Variants in CDHR3 observed in about 807,000 individuals in gnomAD.
CDHR3 encodes the protein cadherin-related family member 3.
Under a neutral mutation model 86.6 loss-of-function variants are expected in CDHR3, and 79 were observed. That is an observed-to-expected ratio of 0.91 (90% CI 0.76 to 1.10). The LOEUF (loss-of-function observed/expected upper bound fraction) is 1.10, where lower values mean the gene tolerates loss of function less well. Among genes scored for constraint, CDHR3 ranks in the 50% least tolerant of loss-of-function variants. CDHR3 has a pLI of 0.00. For synonymous variants in CDHR3, 421 were observed against 402.4 expected (o/e 1.05, Z -0.55); for missense variants, 1,081 against 1,077.6 (o/e 1.00, Z -0.04).
Position 106,036,418 on chromosome 7 carries a change from C to G in CDHR3, c.*3721C>G, listed in dbSNP as rs972513524. 4 of 152,158 alleles carry G rather than the reference C, an allele frequency of 2.6e-5. No homozygotes were observed. The highest frequency in any genetic ancestry group is 5.9e-5 in the Non-Finnish European group (4 of 68,036). The allele number at this position is 152,158 out of a possible 1,614,324, so 9.4% of individuals were successfully genotyped here. A position where few individuals can be genotyped will look rare whatever the true frequency, so the allele number is the denominator to read the frequency against. On this transcript the variant is annotated 3_prime_UTR_variant, in exon 19 of 19. Coordinates refer to ENST00000317716, the MANE Select transcript of CDHR3 (RefSeq NM_152750.5). Reference sequence around the variant, plus strand: ...TCCTTCGTATTCATTCAATAAATATCTGTGGAGCAACTACCATGTGCCAAG... The same window carrying G: ...TCCTTCGTATTCATTCAATAAATATGTGTGGAGCAACTACCATGTGCCAAG...
At chr7:105,971,748 C>T (rs1320712345) in intron 1 of CDHR3, among the ~76,000 whole-genome samples, 2 of 152,160 alleles carry the variant, frequency 1.3e-5, no homozygotes, top group Non-Finnish European at 2.9e-5. Context: ...AGTGATCTCT[C>T]CACTCGGGGT....
intron 1 of CDHR3, among the ~76,000 whole-genome samples, chr7:105,973,961 A>G (rs1828382369): frequency 6.6e-6 from 1 of 152,184 alleles, no homozygotes; most frequent in Non-Finnish European, 1.5e-5. Flanking sequence ...TCTCAAAAAA[A>G]CAAAAACAAA....
At chr7:105,979,366 ACCT>A (rs756558037) in intron 2 of CDHR3, among the ~76,000 whole-genome samples, 5 of 151,864 alleles carry the variant, frequency 3.3e-5, no homozygotes, top group Non-Finnish European at 7.4e-5. Context: ...ACACAAGAAT[ACCT>A]CTTTTTCCCC....
chr7:106,000,308 G>A (rs148593065), intron 6 of CDHR3, among the ~76,000 whole-genome samples: 1 of 152,252 alleles, frequency 6.6e-6, no homozygotes, highest in African/African-American at 2.4e-5. Flanking sequence ...CCAGGGAGGA[G>A]CTCTGGTAGG....
rs193795 is a variant in CDHR3 at position 105,981,066 on chromosome 7, G to A, written c.348G>A (p.Leu116=). ...YVKDEVGVTD[L]QVLTVQVTDV... ...AGGATGAGGTTGGTGTCACAGACCT[G>A]CAAGTCCTGACTGTCCAGGTAACAG... The change falls in exon 3 of 19, where the codon CTG becomes CTA. Residue 116 remains leucine, a synonymous_variant. Transcript: ENST00000317716. The A allele has an allele frequency of 6.2e-7, 1 of 1,612,212 alleles. No individual in the cohort carries two copies. The highest frequency in any genetic ancestry group is 1.3e-5 in the African/African-American group (1 of 74,870).
intron 4 of CDHR3, among the ~76,000 whole-genome samples, chr7:105,990,487 A>G (rs1326731029): frequency 2.0e-5 from 3 of 152,164 alleles, no homozygotes; most frequent in African/African-American, 7.2e-5. Context: ...CAAAATATTC[A>G]GCTTCCATTG....
In CDHR3 at chr7:106,004,696, A is replaced by G. The variant is rs1259461825; in HGVS notation, c.1052+9A>G. 6.2e-7 allele frequency: 1 copy of G among 1,613,826 alleles called. No individual in the cohort carries two copies. The highest frequency in any genetic ancestry group is 8.5e-7 in the Non-Finnish European group (1 of 1,179,812). ...CAAAAGTTCACCTTCAGGTATGCAC[A>G]CTTTGAAAGTTGGGCTGGACATTCT... On this transcript the variant is annotated intron_variant, in intron 8 of 18. Transcript: ENST00000317716.
At position 105,984,209 on chromosome 7, in the gene CDHR3, G is replaced by T; in HGVS notation, c.433G>T (p.Val145Leu). 1 of 1,608,362 alleles carries T rather than the reference G, an allele frequency of 6.2e-7. No individual in the cohort carries two copies. The highest frequency in any genetic ancestry group is 8.5e-7 in the Non-Finnish European group (1 of 1,176,190). The change falls in exon 4 of 19, where the codon GTA becomes TTA. Residue 145 changes from valine (V) to leucine (L), a missense_variant. Physicochemically the swap from Val to Leu is conservative, Grantham distance 32 (BLOSUM62 1). Coordinates refer to ENST00000317716, the MANE Select transcript of CDHR3 (RefSeq NM_152750.5). ...NLAEGLHLYI[V>L]ERANPGFIYQ... The stretch of plus-strand genomic sequence containing the variant: ...TGGTCTAGGTCTACACCTCTACATA[G>T]TAGAAAGAGCAAACCCTGGATTCAT...
intron 7 of CDHR3, among the ~76,000 whole-genome samples, chr7:106,003,851 TG>T (rs1833551429): frequency 6.6e-6 from 1 of 151,924 alleles, no homozygotes; most frequent in Non-Finnish European, 1.5e-5. Context: ...GGGACAACCA[TG>T]GTTGAGAATT....
chr7:105,980,366 T>G (rs1829454142), intron 2 of CDHR3, among the ~76,000 whole-genome samples: 1 of 152,202 alleles, frequency 6.6e-6, no homozygotes, highest in Admixed American at 6.5e-5. Context: ...CTTAGACCCT[T>G]GAACATCAGC....
intron 3 of CDHR3, among the ~76,000 whole-genome samples, chr7:105,981,457 C>G (rs1367144769): frequency 1.3e-5 from 2 of 152,132 alleles, no homozygotes; most frequent in Non-Finnish European, 2.9e-5. Context: ...TCCCTGTGTA[C>G]CCTGGTCATT....
chr7:106,007,575 C>G (rs2115817362), intron 8 of CDHR3, among the ~76,000 whole-genome samples: 1 of 152,360 alleles, frequency 6.6e-6, no homozygotes, highest in East Asian at 1.9e-4. Flanking sequence ...CCACCAGTCT[C>G]TTTGCTAAAA....
chr7:105,974,719 G>A lies in CDHR3; in HGVS notation c.47-125G>A, dbSNP rs544988293. 5.6e-4 allele frequency: 391 copies of A among 700,752 alleles called. 1 individual carries two copies. Among genetic ancestry groups the A allele is most frequent in the African/African-American group, 5.0e-3 (283 of 56,254 alleles). 43.4% of individuals were successfully genotyped at this position (700,752 alleles called of 1,614,324 possible). A position where few individuals can be genotyped will look rare whatever the true frequency, so the allele number is the denominator to read the frequency against. On this transcript the variant is annotated intron_variant, in intron 1 of 18. Coordinates refer to ENST00000317716, the MANE Select transcript of CDHR3 (RefSeq NM_152750.5). The stretch of plus-strand genomic sequence containing the variant: ...GCACTTGGCAAGAGCGTTTGTTCTC[G>A]GGGAGTGACCAGCTCTCATCGTCAC...
chr7:106,026,511 G>A (rs573081525), intron 15 of CDHR3, among the ~76,000 whole-genome samples, 171 bp from the exon 16 acceptor site: 1 of 152,288 alleles, frequency 6.6e-6, no homozygotes, highest in South Asian at 2.1e-4. Flanking sequence ...TGCTTTGTTC[G>A]AAGCAGGCGT....
intron 7 of CDHR3, among the ~76,000 whole-genome samples, chr7:106,003,848 CCA>C (rs1833550587): frequency 6.6e-6 from 1 of 151,784 alleles, no homozygotes; most frequent in Non-Finnish European, 1.5e-5. Context: ...GTAGGGACAA[CCA>C]TGGTTGAGAA....
chr7:105,973,610 C>G (rs1828308180), intron 1 of CDHR3, among the ~76,000 whole-genome samples: 2 of 152,132 alleles, frequency 1.3e-5, no homozygotes, highest in African/African-American at 2.4e-5. Context: ...GATTTAGGAC[C>G]CACCCTCATG....
intron 15 of CDHR3, 42 bp from the exon 16 acceptor site, chr7:106,026,640 T>A (rs911369551): frequency 6.2e-7 from 1 of 1,610,262 alleles, no homozygotes; most frequent in African/African-American, 1.3e-5. Flanking sequence ...CAGTGCAGCA[T>A]ACTTTCAAGT....
At chr7:105,966,588 T>C (rs920353989) in intron 1 of CDHR3, among the ~76,000 whole-genome samples, 3 of 152,238 alleles carry the variant, frequency 2.0e-5, no homozygotes, top group African/African-American at 7.2e-5. Context: ...CTAGAAAGTC[T>C]TTCTGTCAGC....
intron 4 of CDHR3, among the ~76,000 whole-genome samples, chr7:105,984,574 A>C (rs780966150): frequency 1.3e-5 from 2 of 152,222 alleles, no homozygotes. Context: ...CAGCTACTGC[A>C]GTAGAGAAGC....
Sources: allele counts gnomAD v4.1 joint callset (sites outside exome capture counted in the v4.1 genomes callset), GRCh38; gene constraint gnomAD v4.1.1; transcripts MANE v1.5; gene names NCBI Gene and HGNC (gene_info 2026-07-23, HGNC 2026-07-21).